Variants in NCOR1 observed in about 807,000 individuals in gnomAD.
NCOR1 encodes protein phosphatase 1, regulatory subunit 109.
Under a neutral mutation model 288.1 loss-of-function variants are expected in NCOR1, and 63 were observed. The ratio of observed to expected loss-of-function variants is 0.22; its 90% CI spans 0.18 to 0.27. The LOEUF (loss-of-function observed/expected upper bound fraction) is 0.27, where lower values mean the gene tolerates loss of function less well. Among genes scored for constraint, NCOR1 ranks in the 10% least tolerant of loss-of-function variants. The probability of loss-of-function intolerance (pLI) is 1.00; values close to 1 mark genes in which losing one functional copy is unlikely to be tolerated. For synonymous variants in NCOR1, 1,007 were observed against 1,065.9 expected, an observed-to-expected ratio of 0.94 and a Z score of 1.08; for missense variants, 2,397 against 3,019.2, an observed-to-expected ratio of 0.79 and a Z score of 4.83.
chr17:16,215,144 G>T (rs1031873537), intron 1 of NCOR1, among the ~76,000 whole-genome samples: 1 of 152,176 alleles, frequency 6.6e-6, no homozygotes, highest in Non-Finnish European at 1.5e-5. Context: ...ATAAGCCTCC[G>T]CTAGCCCAGC....
intron 3 of NCOR1, among the ~76,000 whole-genome samples, chr17:16,184,905 C>T (rs546283206): frequency 6.7e-6 from 1 of 149,902 alleles, no homozygotes; most frequent in African/African-American, 2.4e-5. Context: ...GAGATCTTGC[C>T]ATCCACAACA....
intron 38 of NCOR1, 42 bp from the exon 39 acceptor site, chr17:16,058,106 T>TG: frequency 6.3e-7 from 1 of 1,590,376 alleles, no homozygotes; most frequent in Non-Finnish European, 8.6e-7. Context: ...GGAATGTCTG[T>TG]GCTTTTCACT....
intron 40 of NCOR1, among the ~76,000 whole-genome samples, chr17:16,050,022 C>G (rs981303192): frequency 2.6e-5 from 4 of 152,074 alleles, no homozygotes; most frequent in African/African-American, 9.7e-5. Context: ...TCCCGAGTAA[C>G]TGGGATTACA....
At chr17:16,073,332 G>A (rs1207744987) in intron 28 of NCOR1, 97 bp downstream of exon 28, 5 of 1,084,040 alleles carry the variant, frequency 4.6e-6, no homozygotes, top group Non-Finnish European at 6.3e-6. Flanking sequence ...CATTTCAGGT[G>A]GAAATGACAG....
rs1206976191 is a variant in NCOR1 at position 16,101,706 on chromosome 17, C to G, written c.2234G>C (p.Gly745Ala). The change falls in exon 20 of 46, where the codon GGA becomes GCA. Residue 745 changes from glycine (G) to alanine (A), a missense_variant. This residue lies in a region of NCOR1 where 1,872 missense variants were observed against 2,187.8 expected (regional missense o/e 0.86). Transcript: ENST00000268712. ...AAGCTCAACCGCAGGTTCTGTGTTT[C>G]CTCGAGAAGTAGCATTTTCAGGACT... ...EDSPENATSRGNTEPAVELEP... is the reference protein window; with the variant it reads ...EDSPENATSRANTEPAVELEP... 1 of 1,614,198 alleles carries G rather than the reference C, an allele frequency of 6.2e-7. No homozygotes were observed. Among genetic ancestry groups the G allele is most frequent in the Admixed American group, 1.7e-5 (1 of 60,020 alleles).
chr17:16,146,551 A>G lies in NCOR1; in HGVS notation c.910-3T>C. On this transcript the variant is annotated splice_polypyrimidine_tract_variant and splice_region_variant and intron_variant, in intron 9 of 45. Transcript: ENST00000268712. ...TAACGCTGGCAGATTTTTTGTTCCT[A>G]TTAAATATCCGTAGCAAATTAATAA... is the stretch of plus-strand genomic sequence containing the variant. 1 of 1,577,980 alleles carries G rather than the reference A, an allele frequency of 6.3e-7. No homozygotes were observed. The highest frequency in any genetic ancestry group is 1.2e-5 in the South Asian group (1 of 83,234).
At chr17:16,100,224 A>G (rs939797110) in intron 20 of NCOR1, among the ~76,000 whole-genome samples, 7 of 152,242 alleles carry the variant, frequency 4.6e-5, no homozygotes, top group Admixed American at 3.3e-4. Context: ...ACCAGGAAAT[A>G]AAATATATTA....
At chr17:16,042,098 G>A (rs2057816075) in intron 42 of NCOR1, among the ~76,000 whole-genome samples, 1 of 152,178 alleles carries the variant, frequency 6.6e-6, no homozygotes, top group Admixed American at 6.5e-5. Context: ...GAGCACATGA[G>A]AGGAGGGAAG....
At chr17:16,090,840 T>C (rs992214122) in intron 22 of NCOR1, among the ~76,000 whole-genome samples, 4 of 152,210 alleles carry the variant, frequency 2.6e-5, no homozygotes, top group African/African-American at 9.6e-5. Context: ...TCCTATTTTA[T>C]ATTAAATAAC....
chr17:16,152,701 T>C (rs1020058508), intron 7 of NCOR1, among the ~76,000 whole-genome samples: 9 of 152,220 alleles, frequency 5.9e-5, no homozygotes, highest in African/African-American at 1.4e-4. Flanking sequence ...ATGGTATTTC[T>C]AGTTCTAGAT....
At chr17:16,132,884 C>G (rs932842934) in intron 14 of NCOR1, among the ~76,000 whole-genome samples, 1 of 149,640 alleles carries the variant, frequency 6.7e-6, no homozygotes, top group African/African-American at 2.5e-5. Context: ...GCTTTCCTTC[C>G]TTCCTTTCCC....
intron 19 of NCOR1, among the ~76,000 whole-genome samples, chr17:16,106,883 A>ATATATATAT (rs1164118180): frequency 3.2e-5 from 1 of 31,406 alleles, no homozygotes; most frequent in African/African-American, 1.4e-4. Context: ...ATATATATAT[A>ATATATATAT]TTTTTTTTTT....
rs576767243 is a variant in NCOR1, at chr17:16,036,368, G to A, written c.6956-1424C>T. On this transcript the variant is annotated intron_variant, in intron 44 of 45. Coordinates refer to ENST00000268712, the MANE Select transcript of NCOR1 (RefSeq NM_006311.4). ...TCCATTTCTAGAGCACAGGCGAGTAGACCAAGCATAATTCTTAAGTGGCCT... is the reference window on the plus strand; with the variant it reads ...TCCATTTCTAGAGCACAGGCGAGTAAACCAAGCATAATTCTTAAGTGGCCT... Among the ~76,000 whole-genome samples the A allele has an allele frequency of 1.2e-4, 19 of 152,332 alleles. No homozygotes were observed. In the East Asian group the frequency reaches 3.7e-3, roughly 29 times the overall value.
intron 45 of NCOR1, among the ~76,000 whole-genome samples, chr17:16,033,971 C>G (rs761655566): frequency 6.6e-6 from 1 of 152,306 alleles, no homozygotes; most frequent in East Asian, 1.9e-4. Context: ...GCTGGGATAA[C>G]AGGCATGAGC....
At chr17:16,106,879 ATATATTTTTTTT>A (rs1476982796) in intron 19 of NCOR1, among the ~76,000 whole-genome samples, 6 of 59,000 alleles carry the variant, frequency 1.0e-4, no homozygotes, top group South Asian at 1.4e-3. Context: ...ATATATATAT[ATATATTTTTTTT>A]TTTTTTTTTT....
chr17:16,209,521 G>C (rs112311277), intron 1 of NCOR1, among the ~76,000 whole-genome samples: 1 of 149,926 alleles, frequency 6.7e-6, no homozygotes, highest in Non-Finnish European at 1.5e-5. Flanking sequence ...CAGAATTCAA[G>C]ACCAGGCTGG....
chr17:16,098,807 A>C (rs2067103716), intron 20 of NCOR1: 1 of 175,522 alleles, frequency 5.7e-6, no homozygotes, highest in African/African-American at 2.4e-5. Context: ...TTTATATTAG[A>C]AAGAAAAGAA....
At chr17:16,132,531 C>A (rs182397417) in intron 14 of NCOR1, among the ~76,000 whole-genome samples, 1 of 152,334 alleles carries the variant, frequency 6.6e-6, no homozygotes, top group East Asian at 1.9e-4. Context: ...ACCACACTCA[C>A]TCTCCATGGA....
At chr17:16,133,247 G>A (rs2075921071) in intron 14 of NCOR1, among the ~76,000 whole-genome samples, 1 of 152,178 alleles carries the variant, frequency 6.6e-6, no homozygotes, top group African/African-American at 2.4e-5. Flanking sequence ...GAGATCACAA[G>A]CGTGAGCCAT....
Sources: gnomAD v4.1 joint callset for allele counts (sites outside exome capture counted in the v4.1 genomes callset) on GRCh38, gnomAD v4.1.1 for gene constraint, gnomAD v4.1.1 regional missense constraint, MANE v1.5 for transcripts, NCBI Gene and HGNC (gene_info 2026-07-23, HGNC 2026-07-21) for gene names.